ZBTB20: variants seen among roughly 807,000 people sequenced by gnomAD.
ZBTB20 encodes the protein zinc finger and BTB domain containing 20.
Under a neutral mutation model 56.9 loss-of-function variants are expected in ZBTB20, and 9 were observed. That is an observed-to-expected ratio of 0.16 (90% CI 0.10 to 0.28). The LOEUF is 0.28. Among genes scored for constraint, ZBTB20 ranks in the 10% least tolerant of loss-of-function variants. The pLI, the probability that ZBTB20 is intolerant of heterozygous loss-of-function variation, is 1.00. For synonymous variants in ZBTB20, 417 were observed against 420.7 expected (o/e 0.99, Z 0.11); for missense variants, 655 against 1,003.0 (o/e 0.65, Z 4.69).
At chr3:115,029,072 TACAC>T (rs142153965) in intron 2 of ZBTB20, among the ~76,000 whole-genome samples, 2 of 146,658 alleles carry the variant, frequency 1.4e-5, no homozygotes, top group Non-Finnish European at 3.1e-5. Flanking sequence ...CACACACACA[TACAC>T]ACACACACAC....
chr3:115,146,681 C>T (rs981169838), intron 1 of ZBTB20, among the ~76,000 whole-genome samples: 1 of 152,134 alleles, frequency 6.6e-6, no homozygotes, highest in Non-Finnish European at 1.5e-5. Flanking sequence ...CCCCCCAGTT[C>T]TCTGAAGACG....
intron 5 of ZBTB20, among the ~76,000 whole-genome samples, chr3:114,697,767 A>G (rs1233899955): frequency 6.6e-6 from 1 of 152,118 alleles, no homozygotes; most frequent in South Asian, 2.1e-4. Flanking sequence ...AAAAAGAGAA[A>G]GGGAGAAATA....
In ZBTB20 at chr3:114,695,628, T is replaced by A. The variant is rs899280842; in HGVS notation, c.-342-2053A>T. On this transcript the variant is annotated intron_variant, in intron 5 of 11. Transcript: ENST00000675478. ...TTTTGTGTTCTAAGTTTTTTTTTTT[T>A]AAATTTAAACAACCCATTTGAAAAT... Among the ~76,000 whole-genome samples the A allele has an allele frequency of 6.6e-5, 10 of 151,976 alleles. No individual in the cohort carries two copies. The East Asian group carries it at 9.6e-4, about 15-fold the overall frequency.
At chr3:114,358,828 G>C (rs1448290785) in intron 10 of ZBTB20, among the ~76,000 whole-genome samples, 4 of 152,088 alleles carry the variant, frequency 2.6e-5, no homozygotes, top group Non-Finnish European at 4.4e-5. Context: ...TTTGATATTG[G>C]AAACATATAT....
intron 4 of ZBTB20, among the ~76,000 whole-genome samples, chr3:114,881,635 T>C (rs2076400491): frequency 6.6e-6 from 1 of 151,900 alleles, no homozygotes; most frequent in East Asian, 1.9e-4. Context: ...TCACCAAGAA[T>C]AGACATCAGG....
chr3:114,535,949 G>A (rs996421845), intron 6 of ZBTB20, among the ~76,000 whole-genome samples: 13 of 152,060 alleles, frequency 8.5e-5, no homozygotes, highest in Admixed American at 3.3e-4. Flanking sequence ...ATTCAACACC[G>A]CTTTATGCTA....
intron 7 of ZBTB20, among the ~76,000 whole-genome samples, chr3:114,466,875 A>T (rs1208402173): frequency 2.6e-5 from 4 of 152,224 alleles, no homozygotes; most frequent in Non-Finnish European, 5.9e-5. Context: ...GATGCAAATA[A>T]GTTAATACCG....
At chr3:114,365,878 A>C (rs1486085737) in intron 10 of ZBTB20, among the ~76,000 whole-genome samples, 2 of 152,224 alleles carry the variant, frequency 1.3e-5, no homozygotes, top group East Asian at 3.8e-4. Flanking sequence ...CCCCAGCATG[A>C]AAAGCAGAGG....
rs1052698968 is a variant in ZBTB20, at chr3:114,861,188, C to A, written c.-417+39116G>T. Reference sequence around the variant, plus strand: ...TCTTCAGGAGACTTACACTGACCATCACATCTGAAATAGCTTGCCAACTTT... The same window carrying A: ...TCTTCAGGAGACTTACACTGACCATAACATCTGAAATAGCTTGCCAACTTT... On this transcript the variant is annotated intron_variant, in intron 4 of 11. Coordinates refer to ENST00000675478, the MANE Select transcript of ZBTB20 (RefSeq NM_001348800.3). 1.5e-4 allele frequency among the ~76,000 whole-genome samples: 23 copies of A among 152,318 alleles called. 2 individuals carry two copies. The South Asian group carries it at 2.9e-3, about 19-fold the overall frequency.
At chr3:114,960,723 T>C (rs1185169500) in intron 3 of ZBTB20, among the ~76,000 whole-genome samples, 2 of 152,168 alleles carry the variant, frequency 1.3e-5, no homozygotes, top group Non-Finnish European at 2.9e-5. Context: ...TACAAAGATA[T>C]TCAAAATTCT....
At chr3:114,533,654 C>T (rs1276418907) in intron 6 of ZBTB20, among the ~76,000 whole-genome samples, 2 of 152,094 alleles carry the variant, frequency 1.3e-5, no homozygotes, top group Non-Finnish European at 2.9e-5. Flanking sequence ...AAAGATGTTC[C>T]TCAAGAAGAG....
chr3:114,576,790 A>AC (rs1559984054), intron 6 of ZBTB20, among the ~76,000 whole-genome samples: 1 of 22,144 alleles, frequency 4.5e-5, no homozygotes, highest in African/African-American at 5.1e-5. Context: ...CACATCAAAA[A>AC]AGACAGAGAG....
At chr3:114,524,397 G>T (rs1464807456) in intron 6 of ZBTB20, among the ~76,000 whole-genome samples, 1 of 152,070 alleles carries the variant, frequency 6.6e-6, no homozygotes, top group East Asian at 1.9e-4. Context: ...TTGAGAGGAG[G>T]TATTAGAGGG....
intron 3 of ZBTB20, among the ~76,000 whole-genome samples, chr3:114,971,063 A>G (rs2077861848): frequency 6.6e-6 from 1 of 152,140 alleles, no homozygotes; most frequent in Non-Finnish European, 1.5e-5. Context: ...CAAGTCATTT[A>G]GAGAGAACAT....
At chr3:114,391,699 C>A (rs9859157) in intron 7 of ZBTB20, among the ~76,000 whole-genome samples, 53,901 of 151,904 alleles carry the variant, frequency 0.35, 9,943 homozygotes, top group Non-Finnish European at 0.41. Context: ...AAAGAATAAA[C>A]CCTCTTGCCT....
chr3:114,441,643 C>T (rs868803933), intron 7 of ZBTB20, among the ~76,000 whole-genome samples: 1 of 152,118 alleles, frequency 6.6e-6, no homozygotes. Context: ...GGATACAGAG[C>T]TCTGTTGTAC....
rs181526153 is a variant in ZBTB20 at position 114,314,891 on chromosome 3, C to T, written c.*24114G>A. The T allele has an allele frequency of 4.6e-5, 7 of 151,636 alleles. No homozygotes were observed. In the East Asian group the frequency reaches 7.7e-4, roughly 17 times the overall value. The allele number at this position is 151,636 out of a possible 1,614,324, so 9.4% of individuals were successfully genotyped here. ...CAAATACAAGTCACAGGTAAATATA[C>T]GTGAGAAAAATACGAGGCTAATATT... is the stretch of plus-strand genomic sequence containing the variant. On this transcript the variant is annotated 3_prime_UTR_variant, in exon 12 of 12. Transcript: ENST00000675478.
chr3:114,541,544 C>T (rs1306066916), intron 6 of ZBTB20, among the ~76,000 whole-genome samples: 1 of 152,058 alleles, frequency 6.6e-6, no homozygotes, highest in Non-Finnish European at 1.5e-5. Context: ...ACAAATTTGC[C>T]CATTTCCTCT....
intron 2 of ZBTB20, among the ~76,000 whole-genome samples, chr3:114,991,414 T>C (rs2078803801): frequency 6.6e-6 from 1 of 152,170 alleles, no homozygotes; most frequent in African/African-American, 2.4e-5. Flanking sequence ...TTGAGTGGTT[T>C]TGAGTGAGTT....
Sources: allele counts gnomAD v4.1 joint callset (sites outside exome capture counted in the v4.1 genomes callset), GRCh38; gene constraint gnomAD v4.1.1; transcripts MANE v1.5; gene names NCBI Gene and HGNC (gene_info 2026-07-23, HGNC 2026-07-21).